SORCS3: variants seen among roughly 807,000 people sequenced by gnomAD.
The protein encoded by SORCS3 is sortilin related VPS10 domain containing receptor 3.
Under a neutral mutation model 146.3 loss-of-function variants are expected in SORCS3, and 57 were observed. The observed-to-expected ratio is 0.39, with a 90% CI of 0.31 to 0.49. The LOEUF (loss-of-function observed/expected upper bound fraction) is 0.49, where lower values mean the gene tolerates loss of function less well. SORCS3 is among the 20% of genes least tolerant of loss of function. The pLI is 0.92. For missense variants in SORCS3, 1,341 were observed against 1,575.5 expected (o/e 0.85, Z 2.52); for synonymous variants, 653 against 618.5 (o/e 1.06, Z -0.83).
At position 104,734,129 on chromosome 10, in the gene SORCS3, A is replaced by G. The variant is rs188391962; in HGVS notation, c.627+92175A>G. Among the ~76,000 whole-genome samples, 6 of 152,286 alleles carry G rather than the reference A, an allele frequency of 3.9e-5. No individual in the cohort carries two copies. In the East Asian group the frequency reaches 1.2e-3, roughly 29 times the overall value. On this transcript the variant is annotated intron_variant, in intron 1 of 26. Coordinates refer to ENST00000369701, the MANE Select transcript of SORCS3 (RefSeq NM_014978.3). The stretch of plus-strand genomic sequence containing the variant: ...TGGGTTGGCTTAATCTAAAATGTAA[A>G]CAAAATTTGTCTACTTTTGTGGTTT...
At chr10:104,819,334 A>T (rs1376404007) in intron 1 of SORCS3, among the ~76,000 whole-genome samples, 1 of 152,088 alleles carries the variant, frequency 6.6e-6, no homozygotes, top group Non-Finnish European at 1.5e-5. Context: ...ACTTTGACAG[A>T]TTCTTACCTG....
At chr10:104,849,717 A>G (rs1409842462) in intron 2 of SORCS3, among the ~76,000 whole-genome samples, 1 of 152,208 alleles carries the variant, frequency 6.6e-6, no homozygotes, top group Non-Finnish European at 1.5e-5. Flanking sequence ...AAAGTTGTCA[A>G]TGTAATCAGT....
chr10:104,935,242 C>T (rs2019248880), intron 3 of SORCS3, among the ~76,000 whole-genome samples: 1 of 152,276 alleles, frequency 6.6e-6, no homozygotes, highest in Non-Finnish European at 1.5e-5. Context: ...AGGTTATGAA[C>T]TCAGATTTGA....
At chr10:105,088,134 C>T (rs1424185163) in intron 5 of SORCS3, among the ~76,000 whole-genome samples, 1 of 152,150 alleles carries the variant, frequency 6.6e-6, no homozygotes, top group Admixed American at 6.5e-5. Context: ...TGGATAAGGA[C>T]GTTGGAGCTC....
intron 2 of SORCS3, among the ~76,000 whole-genome samples, chr10:104,867,828 T>C (rs1406977338): frequency 6.6e-6 from 1 of 152,234 alleles, no homozygotes; most frequent in African/African-American, 2.4e-5. Context: ...TTGCTGTGGC[T>C]CATTTCAATG....
intron 14 of SORCS3, among the ~76,000 whole-genome samples, chr10:105,194,040 T>C (rs903407243): frequency 4.6e-5 from 7 of 152,192 alleles, no homozygotes; most frequent in African/African-American, 1.4e-4. Flanking sequence ...TTGATTTTTT[T>C]TCCTGAAAAT....
At chr10:104,642,022 G>GGGGGGGGGGGGGGGGGGGCC in intron 1 of SORCS3, 68 bp downstream of exon 1, 1 of 173,336 alleles carries the variant, frequency 5.8e-6, no homozygotes, top group Non-Finnish European at 1.1e-5. Flanking sequence ...GGGTGGGTGG[G>GGGGGGGGGGGGGGGGGGGCC]AGCGAGGGAC....
chr10:104,943,362 G>A (rs1299377111), intron 3 of SORCS3, among the ~76,000 whole-genome samples: 1 of 152,160 alleles, frequency 6.6e-6, no homozygotes, highest in African/African-American at 2.4e-5. Flanking sequence ...CTGAGCTAAG[G>A]CAATCCACCT....
chr10:104,665,223 T>C (rs967743446), intron 1 of SORCS3: 1 of 152,252 alleles, frequency 6.6e-6, no homozygotes, highest in African/African-American at 2.4e-5. Flanking sequence ...TGACTTCCCT[T>C]TGAAGTTAGT....
At chr10:105,124,940 C>T (rs566388895) in intron 7 of SORCS3, among the ~76,000 whole-genome samples, 32 of 152,330 alleles carry the variant, frequency 2.1e-4, no homozygotes, top group Non-Finnish European at 3.8e-4. Context: ...TTCAGTTTTA[C>T]TGCCTGCCCA....
At chr10:104,820,941 A>T (rs2017865498) in intron 1 of SORCS3, among the ~76,000 whole-genome samples, 1 of 152,214 alleles carries the variant, frequency 6.6e-6, no homozygotes, top group Admixed American at 6.5e-5. Context: ...AAGTATTTTA[A>T]GCACAACAGG....
intron 1 of SORCS3, among the ~76,000 whole-genome samples, chr10:104,738,638 G>C (rs1220327502): frequency 1.3e-5 from 2 of 152,138 alleles, no homozygotes; most frequent in African/African-American, 4.8e-5. Flanking sequence ...GCAGAAGAAT[G>C]GACGCACGGG....
At chr10:105,168,142 A>G (rs549750201) in intron 13 of SORCS3, among the ~76,000 whole-genome samples, 1 of 152,292 alleles carries the variant, frequency 6.6e-6, no homozygotes, top group East Asian at 1.9e-4. Context: ...GAATTGAAAC[A>G]GAGGTGGGGA....
intron 1 of SORCS3, among the ~76,000 whole-genome samples, chr10:104,749,199 A>G (rs2016951661): frequency 6.6e-6 from 1 of 151,348 alleles, no homozygotes; most frequent in Admixed American, 6.6e-5. Flanking sequence ...AGCAGTGACC[A>G]TGTACCTTGT....
intron 6 of SORCS3, among the ~76,000 whole-genome samples, chr10:105,090,165 G>T (rs1008506740): frequency 1.3e-5 from 2 of 152,162 alleles, no homozygotes; most frequent in African/African-American, 2.4e-5. Context: ...TTCACATGGC[G>T]AATTGCAAGG....
chr10:104,804,395 T>G (rs916178857), intron 1 of SORCS3, among the ~76,000 whole-genome samples: 1 of 152,222 alleles, frequency 6.6e-6, no homozygotes, highest in Non-Finnish European at 1.5e-5. Flanking sequence ...GATTTTTGCT[T>G]CATAGGAGGG....
chr10:104,675,290 A>T (rs2133260481), intron 1 of SORCS3, among the ~76,000 whole-genome samples: 1 of 152,252 alleles, frequency 6.6e-6, no homozygotes. Flanking sequence ...TGTCCATTTT[A>T]TATTGCATTG....
chr10:104,849,462 A>G (rs2018247034), intron 2 of SORCS3, among the ~76,000 whole-genome samples: 1 of 149,398 alleles, frequency 6.7e-6, no homozygotes, highest in South Asian at 2.1e-4. Flanking sequence ...AGGTATTGGT[A>G]GTTCCCATGG....
At chr10:104,663,538 GT>G (rs1353245504) in intron 1 of SORCS3, among the ~76,000 whole-genome samples, 1 of 151,828 alleles carries the variant, frequency 6.6e-6, no homozygotes, top group Non-Finnish European at 1.5e-5. Context: ...TCTCTGATAT[GT>G]TGTTATGTGG....
Sources: allele counts gnomAD v4.1 joint callset (sites outside exome capture counted in the v4.1 genomes callset), GRCh38; gene constraint gnomAD v4.1.1; transcripts MANE v1.5; gene names NCBI Gene and HGNC (gene_info 2026-07-23, HGNC 2026-07-21).